The following MAGI2 variants were observed in gnomAD, a reference collection of about 807,000 sequenced individuals.
MAGI2 encodes the protein membrane-associated guanylate kinase, WW and PDZ domain-containing protein 2.
A neutral mutation model predicts 133.3 loss-of-function variants in MAGI2; 35 were observed. The observed-to-expected ratio is 0.26, with a 90% CI of 0.20 to 0.35. The LOEUF is 0.35. MAGI2 is among the 10% of genes least tolerant of loss of function. The probability of loss-of-function intolerance (pLI) is 1.00; values close to 1 mark genes in which losing one functional copy is unlikely to be tolerated. For synonymous variants in MAGI2, 729 were observed against 710.6 expected (o/e 1.03, Z -0.41); for missense variants, 1,636 against 1,863.4 (o/e 0.88, Z 2.25).
At chr7:78,289,892 A>G (rs948038705) in intron 9 of MAGI2, among the ~76,000 whole-genome samples, 5 of 152,192 alleles carry the variant, frequency 3.3e-5, no homozygotes, top group Non-Finnish European at 7.3e-5. Flanking sequence ...TTTACAGACA[A>G]GCAAATGCTG....
intron 6 of MAGI2, among the ~76,000 whole-genome samples, chr7:78,446,317 T>C (rs10260177): frequency 0.87 from 132,310 of 151,966 alleles, 57,726 homozygotes; most frequent in East Asian, 0.94. Context: ...TTTTCTGTGA[T>C]GGAAGTGATC....
At chr7:78,491,905 G>A (rs923012225) in intron 5 of MAGI2, among the ~76,000 whole-genome samples, 1 of 146,922 alleles carries the variant, frequency 6.8e-6, no homozygotes, top group African/African-American at 2.6e-5. Flanking sequence ...GTGTGTGTGT[G>A]TGTGTGTGTG....
intron 2 of MAGI2, among the ~76,000 whole-genome samples, chr7:78,946,014 G>A (rs1195163396): frequency 6.6e-6 from 1 of 152,212 alleles, no homozygotes; most frequent in South Asian, 2.1e-4. Flanking sequence ...AGTGTCTGGT[G>A]TCTTAAAGAT....
At chr7:78,846,473 T>C (rs1792619309) in intron 2 of MAGI2, among the ~76,000 whole-genome samples, 1 of 151,932 alleles carries the variant, frequency 6.6e-6, no homozygotes, top group Admixed American at 6.6e-5. Context: ...TGACTCCCAA[T>C]TTATCAGCTT....
chr7:78,882,434 C>G (rs562372403), intron 2 of MAGI2, among the ~76,000 whole-genome samples: 1 of 151,922 alleles, frequency 6.6e-6, no homozygotes, highest in Non-Finnish European at 1.5e-5. Flanking sequence ...TTCTACCAGA[C>G]ACACACAGAA....
At chr7:78,449,096 A>G (rs1369746512) in intron 6 of MAGI2, among the ~76,000 whole-genome samples, 7 of 152,048 alleles carry the variant, frequency 4.6e-5, no homozygotes, top group African/African-American at 1.2e-4. Flanking sequence ...GCTCTGTGAC[A>G]TCATTCTGCT....
intron 3 of MAGI2, among the ~76,000 whole-genome samples, chr7:78,550,553 G>C (rs1799246801): frequency 6.6e-6 from 1 of 152,210 alleles, no homozygotes; most frequent in Non-Finnish European, 1.5e-5. Context: ...ATAGAAGACT[G>C]TTAATACCTG....
chr7:78,295,607 G>A (rs575966768), intron 9 of MAGI2, among the ~76,000 whole-genome samples: 1 of 152,134 alleles, frequency 6.6e-6, no homozygotes, highest in African/African-American at 2.4e-5. Context: ...TGACTGTTCA[G>A]TGTGAGCAAC....
chr7:79,430,708 T>C (rs879357029), intron 1 of MAGI2, among the ~76,000 whole-genome samples: 11 of 152,160 alleles, frequency 7.2e-5, no homozygotes, highest in Non-Finnish European at 1.6e-4. Context: ...TTATAACCTC[T>C]ACTTTTTCAT....
At chr7:79,208,325 AC>A (rs1356848344) in intron 1 of MAGI2, among the ~76,000 whole-genome samples, 1 of 151,958 alleles carries the variant, frequency 6.6e-6, no homozygotes, top group Non-Finnish European at 1.5e-5. Flanking sequence ...AAATACTCAA[AC>A]AACTCAACAG....
intron 1 of MAGI2, among the ~76,000 whole-genome samples, chr7:79,291,121 C>A (rs952339932): frequency 6.6e-6 from 1 of 151,980 alleles, no homozygotes; most frequent in African/African-American, 2.4e-5. Context: ...TACTTTTTGT[C>A]TCTGTGGATT....
At chr7:78,091,293 C>G (rs572165588) in intron 20 of MAGI2, among the ~76,000 whole-genome samples, 1 of 152,038 alleles carries the variant, frequency 6.6e-6, no homozygotes, top group African/African-American at 2.4e-5. Flanking sequence ...TGGGTGAATG[C>G]TGCTATTAAA....
chr7:78,194,668 G>T (rs575853358), intron 12 of MAGI2, among the ~76,000 whole-genome samples: 1 of 152,246 alleles, frequency 6.6e-6, no homozygotes, highest in Admixed American at 6.5e-5. Flanking sequence ...AAAAGTAGGA[G>T]ATAAAATATA....
At chr7:78,412,422 C>T (rs1423301824) in intron 6 of MAGI2, among the ~76,000 whole-genome samples, 1 of 152,070 alleles carries the variant, frequency 6.6e-6, no homozygotes, top group East Asian at 1.9e-4. Flanking sequence ...GCCTGGGGCA[C>T]TCCAGAGTCT....
intron 6 of MAGI2, among the ~76,000 whole-genome samples, chr7:78,416,213 G>T (rs771675131): frequency 6.6e-6 from 1 of 152,088 alleles, no homozygotes; most frequent in Non-Finnish European, 1.5e-5. Context: ...CCAAAGGAGG[G>T]ATGCAAATGA....
intron 3 of MAGI2, among the ~76,000 whole-genome samples, chr7:78,547,364 C>A (rs1442898248): frequency 6.6e-6 from 1 of 152,228 alleles, no homozygotes; most frequent in South Asian, 2.1e-4. Context: ...AAAGGACCTC[C>A]TATCACCATG....
chr7:78,039,490 G>T (rs183042961), intron 21 of MAGI2: 1 of 152,186 alleles, frequency 6.6e-6, no homozygotes, highest in Non-Finnish European at 1.5e-5. Context: ...AGGTCAATAG[G>T]AGTACCCATC....
At chr7:79,004,787 G>A (rs573524108) in intron 2 of MAGI2, among the ~76,000 whole-genome samples, 2 of 152,020 alleles carry the variant, frequency 1.3e-5, no homozygotes, top group African/African-American at 2.4e-5. Flanking sequence ...TTTTTTTAAA[G>A]GTATACTGAG....
chr7:78,019,602 C>T lies in MAGI2; in HGVS notation c.4081G>A (p.Ala1361Thr). The change falls in exon 22 of 22, where the codon GCG becomes ACG. Residue 1361 changes from alanine (A) to threonine (T), a missense_variant. Ala to Thr is a moderately conservative substitution (Grantham distance 58). Around this residue, in one of 5 missense-constraint regions of MAGI2, gnomAD observed 354 missense variants for 298.7 expected, o/e 1.19. Transcript: ENST00000354212. ...GLAAADAADA[A>T]RAGGKEAPRA... ...GGCGCCTCCTTCCCGCCCGCCCGCG[C>T]CGCGTCCGCCGCGTCTGCCGCCGCG... The T allele has an allele frequency of 2.0e-6, 2 of 981,528 alleles. No homozygotes were observed. Among genetic ancestry groups the T allele is most frequent in the Middle Eastern group, 5.2e-4 (1 of 1,918 alleles). 60.8% of individuals were successfully genotyped at this position (981,528 alleles called of 1,614,324 possible). A position where few individuals can be genotyped will look rare whatever the true frequency, so the allele number is the denominator to read the frequency against.
Sources: allele counts gnomAD v4.1 joint callset (sites outside exome capture counted in the v4.1 genomes callset), GRCh38; gene constraint gnomAD v4.1.1; regional missense constraint gnomAD v4.1.1; transcripts MANE v1.5; gene names NCBI Gene and HGNC (gene_info 2026-07-23, HGNC 2026-07-21).